Variants in SLC39A11 observed in about 807,000 individuals in gnomAD.
The protein encoded by SLC39A11 is zinc transporter ZIP11.
SLC39A11 carries 33 observed loss-of-function variants against 36.1 expected under a neutral mutation model. The ratio of observed to expected loss-of-function variants is 0.91; its 90% CI spans 0.69 to 1.22. SLC39A11 has a LOEUF of 1.22. SLC39A11 is among the 50% of genes most tolerant of loss of function. The pLI is 0.00. For missense variants in SLC39A11, 432 were observed against 430.3 expected (o/e 1.00, Z -0.03); for synonymous variants, 166 against 170.3 (o/e 0.97, Z 0.20).
chr17:72,868,458 A>G (rs2080421316), intron 5 of SLC39A11, among the ~76,000 whole-genome samples: 1 of 151,960 alleles, frequency 6.6e-6, no homozygotes, highest in Admixed American at 6.6e-5. Flanking sequence ...AAAAAGGATA[A>G]TAGCATCTAT....
At chr17:72,951,094 T>A (rs76261694) in intron 4 of SLC39A11, among the ~76,000 whole-genome samples, 1 of 120,566 alleles carries the variant, frequency 8.3e-6, no homozygotes, top group African/African-American at 3.1e-5. Flanking sequence ...AGGCCCCATT[T>A]CTTAAAAAAA....
At chr17:73,037,802 C>T (rs1052983715) in intron 3 of SLC39A11, among the ~76,000 whole-genome samples, 2 of 152,224 alleles carry the variant, frequency 1.3e-5, no homozygotes, top group South Asian at 2.1e-4. Context: ...CCCACCCAAT[C>T]GAATGAAGCC....
At chr17:72,727,469 C>T (rs1030513355) in intron 7 of SLC39A11, among the ~76,000 whole-genome samples, 6 of 151,772 alleles carry the variant, frequency 4.0e-5, no homozygotes, top group Admixed American at 2.0e-4. Context: ...CTGGCTAACA[C>T]GGTGAAACCC....
At position 72,993,052 on chromosome 17, in the gene SLC39A11, C is replaced by A. The variant is rs372456957; in HGVS notation, c.306+38504G>T. The A allele has an allele frequency of 6.6e-5, 10 of 152,226 alleles. No individual in the cohort carries two copies. The East Asian group carries it at 1.9e-3, about 29-fold the overall frequency. 9.4% of individuals were successfully genotyped at this position (152,226 alleles called of 1,614,324 possible). Reference sequence around the variant, plus strand: ...TATCATGAGAACAGCACAGGAAACACCCGCCCCCATGATTCAATTACCTCC... The same window carrying A: ...TATCATGAGAACAGCACAGGAAACAACCGCCCCCATGATTCAATTACCTCC... On this transcript the variant is annotated intron_variant, in intron 4 of 9. Coordinates refer to ENST00000255559, the MANE Select transcript of SLC39A11 (RefSeq NM_139177.4).
chr17:72,830,830 C>G (rs1485557305), intron 6 of SLC39A11, among the ~76,000 whole-genome samples: 2 of 152,096 alleles, frequency 1.3e-5, no homozygotes, highest in Non-Finnish European at 2.9e-5. Flanking sequence ...CACACTCAAC[C>G]CATTGGCTTA....
At chr17:72,940,341 T>A (rs770968725) in intron 5 of SLC39A11, among the ~76,000 whole-genome samples, 10 of 150,700 alleles carry the variant, frequency 6.6e-5, no homozygotes, top group Non-Finnish European at 1.0e-4. Context: ...AATGGCGTGG[T>A]CTCAGCTCAC....
intron 5 of SLC39A11, among the ~76,000 whole-genome samples, chr17:72,947,121 G>A (rs1282117751): frequency 6.6e-6 from 1 of 152,186 alleles, no homozygotes; most frequent in East Asian, 1.9e-4. Flanking sequence ...AGGAGTTCAA[G>A]ACCAGCCTGG....
intron 5 of SLC39A11, among the ~76,000 whole-genome samples, chr17:72,912,761 G>A (rs2083093645): frequency 6.6e-6 from 1 of 152,190 alleles, no homozygotes; most frequent in Non-Finnish European, 1.5e-5. Flanking sequence ...CTGACATGGA[G>A]AAGGCAGAAG....
At chr17:72,674,369 G>T (rs1427161105) in intron 7 of SLC39A11, among the ~76,000 whole-genome samples, 1 of 152,108 alleles carries the variant, frequency 6.6e-6, no homozygotes, top group African/African-American at 2.4e-5. Flanking sequence ...AGTTCACAGA[G>T]ATCTTCCCAC....
chr17:72,893,391 T>A (rs2081860844), intron 5 of SLC39A11, among the ~76,000 whole-genome samples: 2 of 151,648 alleles, frequency 1.3e-5, no homozygotes, highest in South Asian at 2.1e-4. Context: ...AAATGGGGGG[T>A]GGAGGTTGCA....
Position 72,729,303 on chromosome 17 carries a change from C to A in SLC39A11, c.671+7347G>T, listed in dbSNP as rs2074059947. On this transcript the variant is annotated intron_variant, in intron 7 of 9. Transcript: ENST00000255559. ...CCAGGATGGAGTGCAGTGGCACGAT[C>A]ACGGCTTACTGCAGCCTCAACCTCC... Among the ~76,000 whole-genome samples, 4 of 146,034 alleles carry A rather than the reference C, an allele frequency of 2.7e-5. No individual in the cohort carries two copies. In the South Asian group the frequency reaches 6.7e-4, roughly 24 times the overall value.
At chr17:72,654,946 T>C (rs2070039620) in intron 7 of SLC39A11, among the ~76,000 whole-genome samples, 1 of 152,198 alleles carries the variant, frequency 6.6e-6, no homozygotes, top group African/African-American at 2.4e-5. Context: ...GCCACCATCC[T>C]GATAAGCAGC....
At chr17:72,694,893 C>A (rs2072216323) in intron 7 of SLC39A11, among the ~76,000 whole-genome samples, 1 of 152,190 alleles carries the variant, frequency 6.6e-6, no homozygotes, top group Non-Finnish European at 1.5e-5. Flanking sequence ...ATATTTCCTC[C>A]CCGGGAGAGT....
intron 7 of SLC39A11, among the ~76,000 whole-genome samples, chr17:72,678,975 C>T (rs910091220): frequency 5.3e-5 from 8 of 152,214 alleles, no homozygotes; most frequent in African/African-American, 1.4e-4. Context: ...TGCAGCAACA[C>T]GGATGGAACT....
chr17:72,725,072 G>A (rs140200808), intron 7 of SLC39A11, among the ~76,000 whole-genome samples: 6 of 152,306 alleles, frequency 3.9e-5, no homozygotes, highest in South Asian at 2.1e-4. Context: ...CCATGCATCC[G>A]GTGGACTTCC....
intron 3 of SLC39A11, among the ~76,000 whole-genome samples, chr17:73,058,431 A>T (rs2059738440): frequency 6.6e-6 from 1 of 152,124 alleles, no homozygotes; most frequent in Non-Finnish European, 1.5e-5. Flanking sequence ...CTGTGATAGG[A>T]GTTAATCTTG....
At chr17:72,760,665 A>G (rs2713977) in intron 6 of SLC39A11, among the ~76,000 whole-genome samples, 32,797 of 152,200 alleles carry the variant, frequency 0.22, 4,265 homozygotes, top group East Asian at 0.41. Flanking sequence ...CGGGGTTGAC[A>G]TGGTAAACAC....
At chr17:72,952,681 G>C (rs946370159) in intron 4 of SLC39A11, among the ~76,000 whole-genome samples, 1 of 152,208 alleles carries the variant, frequency 6.6e-6, no homozygotes, top group Non-Finnish European at 1.5e-5. Flanking sequence ...GGTTTGGTTT[G>C]ATTTGGTTTT....
intron 5 of SLC39A11, among the ~76,000 whole-genome samples, chr17:72,868,618 C>CAAAAAAAAAAA (rs71354894): frequency 6.0e-4 from 34 of 56,484 alleles, no homozygotes; most frequent in Non-Finnish European, 7.7e-4. Flanking sequence ...CCTGTCTCTA[C>CAAAAAAAAAAA]AAAAAAAAAA....
Sources: gnomAD v4.1 joint callset for allele counts (sites outside exome capture counted in the v4.1 genomes callset) on GRCh38, gnomAD v4.1.1 for gene constraint, MANE v1.5 for transcripts, NCBI Gene and HGNC (gene_info 2026-07-23, HGNC 2026-07-21) for gene names.